ADAM32: variants seen among roughly 807,000 people sequenced by gnomAD.
ADAM32 encodes disintegrin and metalloproteinase domain-containing protein 32.
ADAM32 carries 89 observed loss-of-function variants against 114.9 expected under a neutral mutation model. The observed-to-expected ratio is 0.77, with a 90% CI of 0.65 to 0.92. The LOEUF is 0.92. ADAM32 is among the 40% of genes least tolerant of loss of function. The pLI, the probability that ADAM32 is intolerant of heterozygous loss-of-function variation, is 0.00. For synonymous variants in ADAM32, 285 were observed against 307.5 expected (o/e 0.93, Z 0.77); for missense variants, 870 against 932.8 (o/e 0.93, Z 0.88).
intron 1 of ADAM32, among the ~76,000 whole-genome samples, chr8:39,108,362 G>C (rs926387387): frequency 2.0e-5 from 3 of 152,130 alleles, no homozygotes; most frequent in African/African-American, 7.2e-5. Context: ...GGCAACAGTA[G>C]GCAACAGAGG....
chr8:39,274,265 A>G (rs1245338175), intron 20 of ADAM32, 47 bp from the exon 21 acceptor site: 2 of 1,596,378 alleles, frequency 1.3e-6, no homozygotes, highest in Non-Finnish European at 1.7e-6. Context: ...GAAGTTGGCA[A>G]GTTTTCTTAG....
intron 2 of ADAM32, among the ~76,000 whole-genome samples, chr8:39,133,701 CG>C (rs1564457960): frequency 3.9e-5 from 6 of 152,132 alleles, no homozygotes; most frequent in African/African-American, 1.4e-4. Context: ...GCAGACTAGG[CG>C]GGCCATTTTC....
intron 9 of ADAM32, chr8:39,169,070 G>A (rs1805031359): frequency 6.6e-6 from 1 of 152,222 alleles, no homozygotes; most frequent in South Asian, 2.1e-4. Context: ...AATAAAAGTA[G>A]TGGAGAGGCA....
At chr8:39,166,745 G>T (rs1373192065) in intron 9 of ADAM32, 1 of 152,038 alleles carries the variant, frequency 6.6e-6, no homozygotes, top group Non-Finnish European at 1.5e-5. Context: ...GAGGAGTAAG[G>T]TGGTTTTACA....
intron 11 of ADAM32, among the ~76,000 whole-genome samples, chr8:39,208,063 A>AT (rs937736047): frequency 1.2e-4 from 18 of 151,162 alleles, no homozygotes; most frequent in African/African-American, 2.7e-4. Flanking sequence ...TGACATTCTG[A>AT]TTTTTTTTTA....
chr8:39,247,887 T>A (rs906986323), intron 17 of ADAM32, among the ~76,000 whole-genome samples: 6 of 150,810 alleles, frequency 4.0e-5, no homozygotes, highest in Non-Finnish European at 8.8e-5. Flanking sequence ...TAAGTTTGTG[T>A]CTAGATTCTT....
rs570062742 is a variant in ADAM32, at chr8:39,189,429, AT to A, written c.1052+2392del. On this transcript the variant is annotated intron_variant, in intron 11 of 24. Coordinates refer to ENST00000379907, the MANE Select transcript of ADAM32 (RefSeq NM_145004.7). The stretch of plus-strand genomic sequence containing the variant: ...ACTTAAGCGCTCCTTCCATTATATC[AT>A]TTTTTTTGGGGTAAAACTGTGTCTA... Among the ~76,000 whole-genome samples the A allele has an allele frequency of 1.5e-3, 228 of 151,818 alleles. 1 individual carries two copies. Among genetic ancestry groups the A allele is most frequent in the African/African-American group, 5.1e-3 (210 of 41,420 alleles).
intron 11 of ADAM32, among the ~76,000 whole-genome samples, chr8:39,190,435 G>A (rs1315691997): frequency 3.3e-5 from 5 of 152,162 alleles, no homozygotes; most frequent in Admixed American, 2.0e-4. Context: ...AGTTTGTATT[G>A]TAGTTCTAGT....
chr8:39,218,745 G>T (rs2129448677), intron 12 of ADAM32, among the ~76,000 whole-genome samples: 1 of 152,230 alleles, frequency 6.6e-6, no homozygotes, highest in Middle Eastern at 3.4e-3. Flanking sequence ...CAAGGCCTGG[G>T]ACTCACTCTT....
intron 3 of ADAM32, among the ~76,000 whole-genome samples, chr8:39,140,343 T>C (rs560238368): frequency 6.6e-6 from 1 of 152,322 alleles, no homozygotes; most frequent in South Asian, 2.1e-4. Context: ...ATACCTGGTT[T>C]ATTGAGAGTT....
intron 11 of ADAM32, among the ~76,000 whole-genome samples, chr8:39,199,639 T>C (rs1156927016): frequency 6.6e-6 from 1 of 152,202 alleles, no homozygotes; most frequent in African/African-American, 2.4e-5. Context: ...TTTAAAATTA[T>C]ACCTTAAGTT....
intron 17 of ADAM32, among the ~76,000 whole-genome samples, chr8:39,247,773 T>A (rs1811022036): frequency 6.8e-6 from 1 of 146,066 alleles, no homozygotes; most frequent in Non-Finnish European, 1.5e-5. Context: ...CCCAAGGTCA[T>A]CCAGGTTTTT....
chr8:39,273,052 T>TG (rs1169838561), intron 20 of ADAM32, among the ~76,000 whole-genome samples: 2 of 152,180 alleles, frequency 1.3e-5, no homozygotes, highest in African/African-American at 4.8e-5. Context: ...CTTGTCCTGC[T>TG]GGGAGGTCTT....
chr8:39,227,680 G>A (rs1809472604), intron 14 of ADAM32, among the ~76,000 whole-genome samples: 2 of 152,104 alleles, frequency 1.3e-5, no homozygotes, highest in Non-Finnish European at 2.9e-5. Context: ...AGCAGGACCC[G>A]ACTAAGGAGA....
intron 18 of ADAM32, 24 bp from the exon 19 acceptor site, chr8:39,257,163 T>G (rs771034494): frequency 2.0e-6 from 3 of 1,520,092 alleles, no homozygotes; most frequent in Admixed American, 4.7e-5. Context: ...TTTTGTTTTT[T>G]TTTTTTTGTA....
intron 1 of ADAM32, chr8:39,108,203 T>A: frequency 5.8e-6 from 1 of 171,614 alleles, no homozygotes; most frequent in Non-Finnish European, 1.2e-5. Context: ...GAGGACCACG[T>A]GAGTCCAGGA....
intron 6 of ADAM32, 24 bp from the exon 7 acceptor site, chr8:39,160,873 A>G (rs939224994): frequency 1.3e-6 from 2 of 1,548,914 alleles, no homozygotes; most frequent in East Asian, 2.3e-5. Flanking sequence ...TTCATGTATT[A>G]TATGCTGTTT....
intron 12 of ADAM32, among the ~76,000 whole-genome samples, chr8:39,213,573 G>A (rs867583933): frequency 6.5e-4 from 98 of 151,808 alleles, no homozygotes; most frequent in African/African-American, 2.3e-3. Context: ...TATATTTATG[G>A]GTTACATGAG....
rs564743308 is a variant in ADAM32, at chr8:39,165,252, G to A, written c.833+56G>A. 9.5e-5 allele frequency: 114 copies of A among 1,202,966 alleles called. 2 individuals carry two copies. In the South Asian group the frequency reaches 2.0e-3, roughly 21 times the overall value. 74.5% of individuals were successfully genotyped at this position (1,202,966 alleles called of 1,614,324 possible). On this transcript the variant is annotated intron_variant, in intron 9 of 24. Transcript: ENST00000379907. ...GAAAACAAAGACCTGTGATAATTAT[G>A]TGGCTTAATGTAAGGAATTATTATT... is the stretch of plus-strand genomic sequence containing the variant.
Sources: allele counts gnomAD v4.1 joint callset (sites outside exome capture counted in the v4.1 genomes callset), GRCh38; gene constraint gnomAD v4.1.1; transcripts MANE v1.5; gene names NCBI Gene and HGNC (gene_info 2026-07-23, HGNC 2026-07-21).